MDGA2: variants seen among roughly 807,000 people sequenced by gnomAD.
The protein encoded by MDGA2 is MAM domain containing glycosylphosphatidylinositol anchor 2, also known as MAM domain-containing glycosylphosphatidylinositol anchor protein 2.
Under a neutral mutation model 117.8 loss-of-function variants are expected in MDGA2, and 40 were observed. The ratio of observed to expected loss-of-function variants is 0.34; its 90% CI spans 0.26 to 0.44. The LOEUF (loss-of-function observed/expected upper bound fraction) is 0.44. MDGA2 is among the 20% of genes least tolerant of loss of function. The pLI is 1.00. For synonymous variants in MDGA2, 452 were observed against 439.0 expected (o/e 1.03, Z -0.37); for missense variants, 1,123 against 1,250.6 (o/e 0.90, Z 1.54).
chr14:47,493,102 A>C (rs1216168430), intron 1 of MDGA2, among the ~76,000 whole-genome samples: 2 of 151,854 alleles, frequency 1.3e-5, no homozygotes, highest in African/African-American at 2.4e-5. Flanking sequence ...GTGGCTTCCT[A>C]ACATTTGTTA....
intron 1 of MDGA2, among the ~76,000 whole-genome samples, chr14:47,615,507 G>A (rs149008931): frequency 1.8e-4 from 28 of 152,174 alleles, no homozygotes; most frequent in South Asian, 6.2e-4. Flanking sequence ...TCTGAAATGC[G>A]GAATGTGCAA....
At chr14:47,303,946 T>C (rs1192764692) in intron 1 of MDGA2, among the ~76,000 whole-genome samples, 1 of 152,170 alleles carries the variant, frequency 6.6e-6, no homozygotes, top group Non-Finnish European at 1.5e-5. Flanking sequence ...GTAAGCACAC[T>C]GTGACATTTA....
intron 1 of MDGA2, among the ~76,000 whole-genome samples, chr14:47,506,786 G>A (rs531920030): frequency 7.7e-4 from 118 of 152,272 alleles, no homozygotes; most frequent in African/African-American, 2.7e-3. Context: ...AAGCTGAGGC[G>A]GGAGGATCAT....
At chr14:47,591,826 A>G (rs1896445345) in intron 1 of MDGA2, among the ~76,000 whole-genome samples, 1 of 152,166 alleles carries the variant, frequency 6.6e-6, no homozygotes, top group Non-Finnish European at 1.5e-5. Context: ...AGCCAATATC[A>G]TATTGAATGG....
At chr14:46,873,265 G>T in intron 14 of MDGA2, 168 bp downstream of exon 14, 1 of 548,278 alleles carries the variant, frequency 1.8e-6, no homozygotes, top group Non-Finnish European at 3.0e-6. Context: ...AAATTAGATG[G>T]TGGGAAAAAA....
At chr14:47,031,426 C>A (rs1335494150) in intron 8 of MDGA2, among the ~76,000 whole-genome samples, 1 of 152,020 alleles carries the variant, frequency 6.6e-6, no homozygotes, top group Non-Finnish European at 1.5e-5. Flanking sequence ...ACCTCTTTTA[C>A]ATTCTTTTAT....
intron 1 of MDGA2, among the ~76,000 whole-genome samples, chr14:47,435,834 G>A (rs571130959): frequency 6.6e-6 from 1 of 152,130 alleles, no homozygotes; most frequent in South Asian, 2.1e-4. Context: ...TATGCTTCTG[G>A]GCTCAGCTCT....
chr14:47,395,475 G>T (rs990075735), intron 1 of MDGA2, among the ~76,000 whole-genome samples: 14 of 152,010 alleles, frequency 9.2e-5, no homozygotes, highest in African/African-American at 3.1e-4. Flanking sequence ...TATGGCAAGT[G>T]CCAAACATAA....
intron 8 of MDGA2, among the ~76,000 whole-genome samples, chr14:47,008,183 G>A (rs1362006769): frequency 6.6e-6 from 1 of 151,824 alleles, no homozygotes; most frequent in East Asian, 1.9e-4. Context: ...TTAGAAATGT[G>A]TATGTTAGAG....
At chr14:46,876,436 C>A (rs1202374318) in intron 12 of MDGA2, among the ~76,000 whole-genome samples, 1 of 151,202 alleles carries the variant, frequency 6.6e-6, no homozygotes, top group African/African-American at 2.4e-5. Context: ...TTTCAAAAGT[C>A]AATGTAATAT....
At chr14:46,925,608 G>T in intron 9 of MDGA2, among the ~76,000 whole-genome samples, 1 of 126,336 alleles carries the variant, frequency 7.9e-6, no homozygotes, top group East Asian at 2.5e-4. Flanking sequence ...CTCCAGCCTG[G>T]AAGACAAAGC....
At chr14:47,482,372 C>A (rs1893971684) in intron 1 of MDGA2, among the ~76,000 whole-genome samples, 1 of 152,040 alleles carries the variant, frequency 6.6e-6, no homozygotes, top group Non-Finnish European at 1.5e-5. Flanking sequence ...CATTCAATTT[C>A]TTCTCAACAG....
Position 47,025,336 on chromosome 14 carries a change from T to C in MDGA2, c.1819+9675A>G, listed in dbSNP as rs1479317152. Among the ~76,000 whole-genome samples, 3 of 152,288 alleles carry C rather than the reference T, an allele frequency of 2.0e-5. No homozygotes were observed. In the East Asian group the frequency reaches 5.8e-4, roughly 29 times the overall value. On this transcript the variant is annotated intron_variant, in intron 8 of 16. Coordinates refer to ENST00000399232, the MANE Select transcript of MDGA2 (RefSeq NM_001113498.3). ...CTTCTGGATTTGAGAGGAATGTTAA[T>C]ACTTAATAGGAAGCCATGGCTTTGA...
At chr14:47,471,194 A>C (rs565741839) in intron 1 of MDGA2, among the ~76,000 whole-genome samples, 1 of 151,666 alleles carries the variant, frequency 6.6e-6, no homozygotes, top group South Asian at 2.1e-4. Context: ...AAAATTAAAG[A>C]TGAGGGGGAG....
chr14:47,018,164 C>CT (rs1346645137), intron 8 of MDGA2, among the ~76,000 whole-genome samples: 3 of 150,764 alleles, frequency 2.0e-5, no homozygotes, highest in South Asian at 2.1e-4. Context: ...TCCCCCCGTT[C>CT]TTTTTTTTAA....
chr14:47,306,939 G>T (rs1296637873), intron 1 of MDGA2, among the ~76,000 whole-genome samples: 1 of 152,050 alleles, frequency 6.6e-6, no homozygotes, highest in African/African-American at 2.4e-5. Context: ...GAGTCAGTAT[G>T]TATTACTTAT....
At chr14:47,020,206 G>T (rs1354618802) in intron 8 of MDGA2, among the ~76,000 whole-genome samples, 2 of 152,104 alleles carry the variant, frequency 1.3e-5, no homozygotes, top group Admixed American at 1.3e-4. Flanking sequence ...CAGTGTTAAG[G>T]AATTCTATGG....
chr14:47,073,537 A>G (rs1440966537), intron 6 of MDGA2, among the ~76,000 whole-genome samples: 2 of 152,232 alleles, frequency 1.3e-5, no homozygotes, highest in Admixed American at 6.5e-5. Context: ...CAGCATGTCT[A>G]TCACTATTCT....
At chr14:47,590,523 C>T (rs996878548) in intron 1 of MDGA2, among the ~76,000 whole-genome samples, 2 of 151,780 alleles carry the variant, frequency 1.3e-5, no homozygotes, top group Admixed American at 6.6e-5. Flanking sequence ...GGAGGTCTGT[C>T]TTCATTTTAT....
Sources: gnomAD v4.1 joint callset for allele counts (sites outside exome capture counted in the v4.1 genomes callset) on GRCh38, gnomAD v4.1.1 for gene constraint, MANE v1.5 for transcripts, NCBI Gene and HGNC (gene_info 2026-07-23, HGNC 2026-07-21) for gene names.